Variants in MVB12B observed in about 807,000 individuals in gnomAD.
MVB12B encodes multivesicular body subunit 12B.
A neutral mutation model predicts 41.6 loss-of-function variants in MVB12B; 16 were observed. That is an observed-to-expected ratio of 0.38 (90% CI 0.26 to 0.58). The LOEUF is 0.58. Ranked by LOEUF, MVB12B falls within the 20% of genes least tolerant of loss-of-function variation. The pLI is 0.62. For missense variants in MVB12B, 274 were observed against 380.2 expected, an observed-to-expected ratio of 0.72 and a Z score of 2.32; for synonymous variants, 133 against 139.7, an observed-to-expected ratio of 0.95 and a Z score of 0.34.
chr9:126,336,732 ACATACATGTTTGTGTGTGCACG>A (rs1276118668), intron 1 of MVB12B, among the ~76,000 whole-genome samples: 2 of 141,488 alleles, frequency 1.4e-5, no homozygotes, highest in Non-Finnish European at 3.0e-5. Context: ...TTGTGGGCGC[ACATACATGTTTGTGTGTGCACG>A]CACACACACA....
chr9:126,431,984 A>G (rs1431564066), intron 7 of MVB12B, among the ~76,000 whole-genome samples: 1 of 152,196 alleles, frequency 6.6e-6, no homozygotes, highest in African/African-American at 2.4e-5. Context: ...ACTTAAAGCT[A>G]TGTGGGAAGG....
chr9:126,418,485 T>C (rs1451431622), intron 6 of MVB12B, among the ~76,000 whole-genome samples: 1 of 152,184 alleles, frequency 6.6e-6, no homozygotes, highest in Non-Finnish European at 1.5e-5. Flanking sequence ...AGTGAATAAT[T>C]GTAGGCTCAT....
At chr9:126,502,246 C>CTG (rs1160521804) in intron 9 of MVB12B, among the ~76,000 whole-genome samples, 1 of 152,174 alleles carries the variant, frequency 6.6e-6, no homozygotes, top group African/African-American at 2.4e-5. Context: ...CGCCTTGCAC[C>CTG]TGTGTCCGGC....
intron 3 of MVB12B, among the ~76,000 whole-genome samples, chr9:126,383,071 C>T (rs1275963798): frequency 9.2e-5 from 14 of 152,130 alleles, no homozygotes; most frequent in Admixed American, 8.5e-4. Flanking sequence ...GCGATCCAAA[C>T]GATCGAGTAC....
chr9:126,466,905 G>C (rs1453955195), intron 7 of MVB12B, among the ~76,000 whole-genome samples: 1 of 151,830 alleles, frequency 6.6e-6, no homozygotes, highest in Admixed American at 6.6e-5. Flanking sequence ...TCAGCTCACT[G>C]CATCCTCCAC....
At chr9:126,365,499 ATTTTTGTAT>A (rs1283582049) in intron 2 of MVB12B, among the ~76,000 whole-genome samples, 2 of 151,296 alleles carry the variant, frequency 1.3e-5, no homozygotes, top group South Asian at 2.1e-4. Context: ...TGCCCAGATA[ATTTTTGTAT>A]TTTTTGTATT....
intron 7 of MVB12B, among the ~76,000 whole-genome samples, chr9:126,463,141 A>G (rs557480793): frequency 1.1e-4 from 16 of 152,302 alleles, no homozygotes; most frequent in Non-Finnish European, 1.9e-4. Context: ...GCTGCTTTCA[A>G]GAGAAGCCCT....
intron 7 of MVB12B, among the ~76,000 whole-genome samples, chr9:126,427,121 G>T (rs1219312403): frequency 6.6e-6 from 1 of 152,180 alleles, no homozygotes; most frequent in Non-Finnish European, 1.5e-5. Flanking sequence ...TTGCGGGGGG[G>T]AGGAGGGCTC....
intron 6 of MVB12B, among the ~76,000 whole-genome samples, chr9:126,399,986 C>T (rs1196916461): frequency 6.6e-6 from 1 of 152,198 alleles, no homozygotes; most frequent in Non-Finnish European, 1.5e-5. Context: ...TGAGGCCTGG[C>T]TTAGCAGCTA....
At chr9:126,426,457 A>T (rs1832179202) in intron 7 of MVB12B, among the ~76,000 whole-genome samples, 1 of 151,138 alleles carries the variant, frequency 6.6e-6, no homozygotes, top group African/African-American at 2.4e-5. Context: ...TCTAGGTTCT[A>T]CTCCAACCCC....
intron 7 of MVB12B, among the ~76,000 whole-genome samples, chr9:126,472,665 G>A (rs1311524562): frequency 6.6e-6 from 1 of 151,982 alleles, no homozygotes; most frequent in African/African-American, 2.4e-5. Flanking sequence ...TTTCTTTAAT[G>A]TATTTTACAA....
chr9:126,469,005 C>T (rs376550820), intron 7 of MVB12B, among the ~76,000 whole-genome samples: 9 of 152,164 alleles, frequency 5.9e-5, no homozygotes, highest in Non-Finnish European at 1.0e-4. Context: ...ATTAAAAACA[C>T]GAATACATAC....
chr9:126,363,369 C>A (rs1830077005), intron 2 of MVB12B, among the ~76,000 whole-genome samples: 1 of 152,104 alleles, frequency 6.6e-6, no homozygotes, highest in African/African-American at 2.4e-5. Flanking sequence ...TTACAAACTA[C>A]CGTGTGTGTA....
rs573840371 is a variant in MVB12B at position 126,493,085 on chromosome 9, C to T, written c.873+9053C>T. Reference sequence around the variant, plus strand: ...CTTTTCAGCTTGTAAATGATGTGTTCTGCTATACAAAAGTTTCAAAATGTT... The same window carrying T: ...CTTTTCAGCTTGTAAATGATGTGTTTTGCTATACAAAAGTTTCAAAATGTT... On this transcript the variant is annotated intron_variant, in intron 9 of 9. Transcript: ENST00000361171. 3.9e-5 allele frequency among the ~76,000 whole-genome samples: 6 copies of T among 152,180 alleles called. No individual in the cohort carries two copies. The South Asian group carries it at 1.2e-3, about 32-fold the overall frequency.
rs555794934 is a variant in MVB12B, at chr9:126,357,704, G to C, written c.204+17074G>C. On this transcript the variant is annotated intron_variant, in intron 2 of 9. Transcript: ENST00000361171. The stretch of plus-strand genomic sequence containing the variant: ...GTTATTTGTCTTATTCAGTTGAAAG[G>C]GTTCTTTGTATATTTTAAGTACAAT... Among the ~76,000 whole-genome samples the C allele has an allele frequency of 7.2e-5, 11 of 151,890 alleles. No homozygotes were observed. The East Asian group carries it at 1.5e-3, about 21-fold the overall frequency.
chr9:126,411,617 G>A (rs1831653680), intron 6 of MVB12B, among the ~76,000 whole-genome samples: 1 of 152,156 alleles, frequency 6.6e-6, no homozygotes, highest in South Asian at 2.1e-4. Context: ...AACCTTACTT[G>A]TCTTGGCTTG....
chr9:126,461,982 T>C (rs1833101218), intron 7 of MVB12B, among the ~76,000 whole-genome samples: 1 of 152,252 alleles, frequency 6.6e-6, no homozygotes, highest in African/African-American at 2.4e-5. Flanking sequence ...CAAAAGAGGC[T>C]TCGCTGAGTC....
At chr9:126,484,109 A>C in intron 9 of MVB12B, 77 bp downstream of exon 9, 1 of 1,372,926 alleles carries the variant, frequency 7.3e-7, no homozygotes, top group Admixed American at 1.7e-5. Context: ...GTGTTCCCCT[A>C]GGGATCCACT....
intron 7 of MVB12B, among the ~76,000 whole-genome samples, chr9:126,446,529 A>G (rs1426656816): frequency 6.6e-6 from 1 of 150,800 alleles, no homozygotes; most frequent in Admixed American, 6.6e-5. Flanking sequence ...AAAAAAAAAA[A>G]TCCTGTCTGA....
Sources: allele counts gnomAD v4.1 joint callset (sites outside exome capture counted in the v4.1 genomes callset), GRCh38; gene constraint gnomAD v4.1.1; transcripts MANE v1.5; gene names NCBI Gene and HGNC (gene_info 2026-07-23, HGNC 2026-07-21).